KCNMB2: variants seen among roughly 807,000 people sequenced by gnomAD.
KCNMB2 encodes the protein calcium-activated potassium channel subunit beta-2.
Under a neutral mutation model 24.5 loss-of-function variants are expected in KCNMB2, and 9 were observed. The observed-to-expected ratio is 0.37, with a 90% CI of 0.22 to 0.64. The LOEUF (loss-of-function observed/expected upper bound fraction) is 0.64. KCNMB2 is among the 30% of genes least tolerant of loss of function. The pLI is 0.63. For synonymous variants in KCNMB2, 109 were observed against 104.4 expected (o/e 1.04, Z -0.27); for missense variants, 226 against 284.3 (o/e 0.79, Z 1.47).
chr3:178,796,087 T>A (rs1437526553), intron 1 of KCNMB2, among the ~76,000 whole-genome samples: 1 of 152,102 alleles, frequency 6.6e-6, no homozygotes, highest in Non-Finnish European at 1.5e-5. Context: ...GATACTATCT[T>A]ATATTATAAT....
At chr3:178,581,265 G>C (rs374050021) in intron 1 of KCNMB2, among the ~76,000 whole-genome samples, 37 of 152,298 alleles carry the variant, frequency 2.4e-4, no homozygotes, top group African/African-American at 7.9e-4. Context: ...AAGCTATGGG[G>C]AAAAGATTCC....
At chr3:178,704,870 A>AT (rs1397385053) in intron 1 of KCNMB2, among the ~76,000 whole-genome samples, 5 of 152,086 alleles carry the variant, frequency 3.3e-5, no homozygotes, top group African/African-American at 1.2e-4. Flanking sequence ...TGGCCAAGAT[A>AT]TTTTCCAACC....
chr3:178,657,111 T>C (rs1720372523), intron 1 of KCNMB2, among the ~76,000 whole-genome samples: 1 of 151,476 alleles, frequency 6.6e-6, no homozygotes, highest in African/African-American at 2.4e-5. Context: ...TCCCAGGTTG[T>C]CTAAATCTAC....
At chr3:178,745,115 T>C (rs1450659881) in intron 1 of KCNMB2, among the ~76,000 whole-genome samples, 2 of 152,236 alleles carry the variant, frequency 1.3e-5, no homozygotes, top group East Asian at 3.8e-4. Flanking sequence ...CTTAGTATGA[T>C]ACCTCTCAGG....
At chr3:178,558,885 G>A (rs1488407215) in intron 1 of KCNMB2, 2 of 152,274 alleles carry the variant, frequency 1.3e-5, no homozygotes, top group African/African-American at 2.4e-5. Context: ...TATGCAGTAC[G>A]CTCTTGGGTC....
chr3:178,595,205 C>A lies in KCNMB2; in HGVS notation c.-68+58494C>A, dbSNP rs145137349. On this transcript the variant is annotated intron_variant, in intron 1 of 4. Coordinates refer to ENST00000452583, the MANE Select transcript of KCNMB2 (RefSeq NM_181361.3). ...ACAGTTTCCAGTGTGCTTTATCATC[C>A]ATTATCTCTGTTTGACTTTGAACCT... 6.6e-5 allele frequency among the ~76,000 whole-genome samples: 10 copies of A among 152,144 alleles called. No individual in the cohort carries two copies. The East Asian group carries it at 1.9e-3, about 29-fold the overall frequency.
intron 1 of KCNMB2, among the ~76,000 whole-genome samples, chr3:178,574,747 T>C (rs553202068): frequency 6.6e-6 from 1 of 152,312 alleles, no homozygotes; most frequent in Non-Finnish European, 1.5e-5. Context: ...ATGTGCTGGA[T>C]GATACAATGT....
rs1001061000 is a variant in KCNMB2, at chr3:178,545,293, A to G, written c.-68+8582A>G. Reference sequence around the variant, plus strand: ...CTCGAAATAAAGCCCTTACTACACTATGTGTGTCTGGGAATGTCACTGACA... The same window carrying G: ...CTCGAAATAAAGCCCTTACTACACTGTGTGTGTCTGGGAATGTCACTGACA... On this transcript the variant is annotated intron_variant, in intron 1 of 4. Coordinates refer to ENST00000452583, the MANE Select transcript of KCNMB2 (RefSeq NM_181361.3). Among the ~76,000 whole-genome samples the G allele has an allele frequency of 3.3e-5, 5 of 152,298 alleles. 1 individual carries two copies. Among genetic ancestry groups the G allele is most frequent in the Admixed American group, 6.5e-5 (1 of 15,290 alleles).
At chr3:178,807,557 C>T in intron 2 of KCNMB2, 92 bp downstream of exon 2, 2 of 1,096,146 alleles carry the variant, frequency 1.8e-6, no homozygotes, top group Non-Finnish European at 2.8e-6. Context: ...GCAACTGAGC[C>T]TTATGCTTTG....
chr3:178,735,334 C>A (rs1041988730), intron 1 of KCNMB2, among the ~76,000 whole-genome samples: 4 of 41,212 alleles, frequency 9.7e-5, no homozygotes, highest in African/African-American at 6.4e-4. Context: ...CTCCAGGGTG[C>A]CAAGAAAGGC....
At chr3:178,602,821 G>A (rs531325802) in intron 1 of KCNMB2, among the ~76,000 whole-genome samples, 1 of 152,146 alleles carries the variant, frequency 6.6e-6, no homozygotes, top group Non-Finnish European at 1.5e-5. Context: ...TACCCCCAGC[G>A]TTTCTGATGT....
At chr3:178,605,456 G>C (rs984064854) in intron 1 of KCNMB2, among the ~76,000 whole-genome samples, 3 of 152,134 alleles carry the variant, frequency 2.0e-5, no homozygotes, top group African/African-American at 7.2e-5. Flanking sequence ...ACCTTAAAAC[G>C]TATCTTAAAA....
intron 1 of KCNMB2, among the ~76,000 whole-genome samples, chr3:178,724,555 G>T (rs1270852511): frequency 1.3e-5 from 2 of 151,982 alleles, no homozygotes; most frequent in East Asian, 3.8e-4. Flanking sequence ...TGCTTTTAGG[G>T]TCTTGTTCAG....
chr3:178,823,913 TA>T (rs371711643), intron 2 of KCNMB2, among the ~76,000 whole-genome samples: 6 of 151,096 alleles, frequency 4.0e-5, no homozygotes, highest in South Asian at 2.1e-4. Flanking sequence ...TGCCTGAAGC[TA>T]AAAAAAAATG....
At chr3:178,837,119 TG>T (rs1715263090) in intron 4 of KCNMB2, among the ~76,000 whole-genome samples, 1 of 152,160 alleles carries the variant, frequency 6.6e-6, no homozygotes, top group African/African-American at 2.4e-5. Context: ...GGACATGAGA[TG>T]ACAGCCATTA....
At chr3:178,758,157 T>C (rs199546530) in intron 1 of KCNMB2, among the ~76,000 whole-genome samples, 3,913 of 45,968 alleles carry the variant, frequency 0.085, 608 homozygotes, top group East Asian at 0.14. Flanking sequence ...TATATATATA[T>C]CCAAGAGGAT....
intron 1 of KCNMB2, among the ~76,000 whole-genome samples, chr3:178,591,781 T>C (rs1717684728): frequency 6.6e-6 from 1 of 152,140 alleles, no homozygotes; most frequent in Non-Finnish European, 1.5e-5. Flanking sequence ...TCTTTGGTCA[T>C]AGTGCTTTCC....
At chr3:178,699,950 C>A (rs1370339941) in intron 1 of KCNMB2, among the ~76,000 whole-genome samples, 1 of 152,208 alleles carries the variant, frequency 6.6e-6, no homozygotes, top group East Asian at 1.9e-4. Flanking sequence ...TTGAACTCAC[C>A]AGTTCCCCTG....
chr3:178,737,616 A>AGGAAGCACAGGTTTACTGTG (rs1723360035), intron 1 of KCNMB2, among the ~76,000 whole-genome samples: 2 of 152,232 alleles, frequency 1.3e-5, no homozygotes, highest in South Asian at 4.1e-4. Flanking sequence ...TGTGCTTGAC[A>AGGAAGCACAGGTTTACTGTG]CTGAGGAAAC....
Sources: allele counts gnomAD v4.1 joint callset (sites outside exome capture counted in the v4.1 genomes callset), GRCh38; gene constraint gnomAD v4.1.1; transcripts MANE v1.5; gene names NCBI Gene and HGNC (gene_info 2026-07-23, HGNC 2026-07-21).